The following TMCC1 variants were observed in gnomAD, a reference collection of about 807,000 sequenced individuals.
TMCC1 encodes transmembrane and coiled-coil domains protein 1.
A neutral mutation model predicts 52.4 loss-of-function variants in TMCC1; 15 were observed. The observed-to-expected ratio is 0.29, with a 90% confidence interval of 0.19 to 0.44. The LOEUF is 0.44. Ranked by LOEUF, TMCC1 falls within the 20% of genes least tolerant of loss-of-function variation. The pLI, the probability that TMCC1 is intolerant of heterozygous loss-of-function variation, is 1.00. For synonymous variants in TMCC1, 279 were observed against 301.9 expected (o/e 0.92, Z 0.79); for missense variants, 503 against 806.0 (o/e 0.62, Z 4.55).
At chr3:129,722,294 G>A (rs192985154) in intron 4 of TMCC1, among the ~76,000 whole-genome samples, 10 of 152,238 alleles carry the variant, frequency 6.6e-5, no homozygotes, top group East Asian at 1.9e-4. Context: ...TATGAACTGC[G>A]CTTGCGAGGG....
At chr3:129,696,435 A>C (rs2047421889) in intron 4 of TMCC1, among the ~76,000 whole-genome samples, 1 of 152,212 alleles carries the variant, frequency 6.6e-6, no homozygotes, top group Non-Finnish European at 1.5e-5. Flanking sequence ...TACAAAACCA[A>C]GCTACAACCC....
rs190183296 is a variant in TMCC1 at position 129,788,787 on chromosome 3, T to C, written c.576+39016A>G. Among the ~76,000 whole-genome samples the C allele has an allele frequency of 2.8e-4, 42 of 152,250 alleles. No individual in the cohort carries two copies. The East Asian group carries it at 6.9e-3, about 25-fold the overall frequency. ...CTGGCCTTACTGGGGTCTTATTTCA[T>C]GTAACAGAAGAACATCATCAATCTT... On this transcript the variant is annotated intron_variant, in intron 4 of 6. Transcript: ENST00000393238.
At chr3:129,739,693 G>A (rs1198766053) in intron 4 of TMCC1, among the ~76,000 whole-genome samples, 1 of 152,148 alleles carries the variant, frequency 6.6e-6, no homozygotes, top group Non-Finnish European at 1.5e-5. Context: ...GGTCAGCACA[G>A]AAGACTGAAC....
intron 4 of TMCC1, among the ~76,000 whole-genome samples, chr3:129,756,100 G>GAA (rs764626470): frequency 1.4e-4 from 7 of 50,298 alleles, no homozygotes; most frequent in Non-Finnish European, 2.6e-4. Flanking sequence ...TCCATCTCAA[G>GAA]AAAAAAAAAA....
At chr3:129,785,528 T>C (rs1344285745) in intron 4 of TMCC1, among the ~76,000 whole-genome samples, 1 of 151,720 alleles carries the variant, frequency 6.6e-6, no homozygotes, top group African/African-American at 2.4e-5. Flanking sequence ...GAGATCAGCC[T>C]TTATGTCTAG....
intron 4 of TMCC1, 164 bp downstream of exon 4, chr3:129,827,639 A>G (rs1214642213): frequency 1.4e-6 from 1 of 727,920 alleles, no homozygotes; most frequent in African/African-American, 1.8e-5. Flanking sequence ...GCATTCATTC[A>G]TTAGCTATAA....
chr3:129,718,354 A>ATT (rs1255295264), intron 4 of TMCC1, among the ~76,000 whole-genome samples: 2 of 152,248 alleles, frequency 1.3e-5, no homozygotes, highest in Non-Finnish European at 2.9e-5. Flanking sequence ...TGAGTGAAGT[A>ATT]TTGCAAGTAT....
At position 129,827,648 on chromosome 3, in the gene TMCC1, A is replaced by G. The variant is rs549440638; in HGVS notation, c.576+155T>C. On this transcript the variant is annotated intron_variant, in intron 4 of 6. Coordinates refer to ENST00000393238, the MANE Select transcript of TMCC1 (RefSeq NM_001017395.5). ...TTCTAAGCATTCATTCATTAGCTAT[A>G]ATTATTATTTACCCATTTGAAAAGG... is the stretch of plus-strand genomic sequence containing the variant. 1.6e-4 allele frequency: 127 copies of G among 781,264 alleles called. No individual in the cohort carries two copies. In the South Asian group the frequency reaches 2.4e-3, roughly 15 times the overall value. The allele number at this position is 781,264 out of a possible 1,614,324, so 48.4% of individuals were successfully genotyped here. A position where few individuals can be genotyped will look rare whatever the true frequency, so the allele number is the denominator to read the frequency against.
intron 2 of TMCC1, among the ~76,000 whole-genome samples, chr3:129,866,524 T>A (rs918773838): frequency 1.3e-5 from 2 of 151,080 alleles, no homozygotes; most frequent in African/African-American, 4.9e-5. Flanking sequence ...ATTACAGGCA[T>A]GCGCCACCAC....
chr3:129,816,386 T>C (rs1310131765), intron 4 of TMCC1, among the ~76,000 whole-genome samples: 1 of 152,098 alleles, frequency 6.6e-6, no homozygotes, highest in Non-Finnish European at 1.5e-5. Context: ...ACAAACACAA[T>C]GAAATATTAT....
At chr3:129,826,116 G>A (rs1023544542) in intron 4 of TMCC1, among the ~76,000 whole-genome samples, 1 of 152,132 alleles carries the variant, frequency 6.6e-6, no homozygotes, top group African/African-American at 2.4e-5. Context: ...GGTAAAGGCT[G>A]AAGATTAAGA....
At chr3:129,754,133 A>G (rs1297604696) in intron 4 of TMCC1, among the ~76,000 whole-genome samples, 4 of 152,222 alleles carry the variant, frequency 2.6e-5, no homozygotes, top group Non-Finnish European at 5.9e-5. Flanking sequence ...CATTTATCAC[A>G]GCCCCCTCCC....
intron 4 of TMCC1, among the ~76,000 whole-genome samples, chr3:129,802,926 T>C (rs2057276433): frequency 6.6e-6 from 1 of 152,230 alleles, no homozygotes; most frequent in Non-Finnish European, 1.5e-5. Flanking sequence ...AAGAAATTTA[T>C]TTACAGTTCT....
At chr3:129,698,389 C>T (rs940570023) in intron 4 of TMCC1, among the ~76,000 whole-genome samples, 4 of 152,120 alleles carry the variant, frequency 2.6e-5, no homozygotes, top group Admixed American at 6.5e-5. Context: ...CCACTGGGTC[C>T]CACGACACAT....
chr3:129,765,487 C>T (rs911722257), intron 4 of TMCC1, among the ~76,000 whole-genome samples: 1 of 152,016 alleles, frequency 6.6e-6, no homozygotes, highest in Non-Finnish European at 1.5e-5. Flanking sequence ...AGTTTCCAAG[C>T]TTATTAGAAT....
chr3:129,859,451 A>G (rs530565488), intron 2 of TMCC1, among the ~76,000 whole-genome samples: 1 of 152,236 alleles, frequency 6.6e-6, no homozygotes, highest in African/African-American at 2.4e-5. Context: ...AGCCTGGGCA[A>G]CATAGCAAGA....
At chr3:129,809,702 TTTAG>T (rs929176117) in intron 4 of TMCC1, among the ~76,000 whole-genome samples, 4 of 152,282 alleles carry the variant, frequency 2.6e-5, no homozygotes, top group African/African-American at 9.6e-5. Context: ...TAGAAAAACA[TTTAG>T]TTAAAGTACT....
At chr3:129,891,570 C>CA (rs1450910850) in intron 1 of TMCC1, among the ~76,000 whole-genome samples, 2 of 151,944 alleles carry the variant, frequency 1.3e-5, no homozygotes, top group African/African-American at 4.8e-5. Flanking sequence ...GGTCCTTTAC[C>CA]AAAAAAAGCT....
Position 129,650,000 on chromosome 3 carries a change from C to G in TMCC1, c.*1481G>C, listed in dbSNP as rs1024700807. ...TATAGGAAGCTGGCAACATTTCACA[C>G]CCAAAACTTGGGTCCTGCTAACCTG... On this transcript the variant is annotated 3_prime_UTR_variant, in exon 7 of 7. Transcript: ENST00000393238. The G allele has an allele frequency of 6.6e-6, 1 of 152,570 alleles. No individual in the cohort carries two copies. The highest frequency in any genetic ancestry group is 1.5e-5 in the Non-Finnish European group (1 of 68,022). The allele number at this position is 152,570 out of a possible 1,614,324, so 9.5% of individuals were successfully genotyped here.
Sources: allele counts gnomAD v4.1 joint callset (sites outside exome capture counted in the v4.1 genomes callset), GRCh38; gene constraint gnomAD v4.1.1; transcripts MANE v1.5; gene names NCBI Gene and HGNC (gene_info 2026-07-23, HGNC 2026-07-21).